PGAP1: variants seen among roughly 807,000 people sequenced by gnomAD.
The protein encoded by PGAP1 is post-GPI attachment to proteins inositol deacylase 1, also known as GPI inositol-deacylase.
Under a neutral mutation model 127.0 loss-of-function variants are expected in PGAP1, and 76 were observed. The ratio of observed to expected loss-of-function variants is 0.60; its 90% CI spans 0.50 to 0.72. The LOEUF is 0.72. PGAP1 is among the 30% of genes least tolerant of loss of function. The pLI is 0.00. For missense variants in PGAP1, 982 were observed against 1,071.3 expected (o/e 0.92, Z 1.16); for synonymous variants, 362 against 366.5 (o/e 0.99, Z 0.14).
Position 196,916,464 on chromosome 2 carries a change from G to C in PGAP1, c.431C>G (p.Thr144Ser), listed in dbSNP as rs1352606030. The C allele has an allele frequency of 6.2e-7, 1 of 1,613,070 alleles. No homozygotes were observed. The highest frequency in any genetic ancestry group is 2.2e-5 in the East Asian group (1 of 44,834). The change falls in exon 3 of 27, where the codon ACC becomes AGC. Residue 144 changes from threonine (T) to serine (S), a missense_variant. Physicochemically the swap from Thr to Ser is moderately conservative, Grantham distance 58 (BLOSUM62 1). Coordinates refer to ENST00000354764, the MANE Select transcript of PGAP1 (RefSeq NM_024989.4). ...TTTAATACATTCATGTACAAACTTG[G>C]TCTGCTTCTGAAGACTTCCACCATA... is the stretch of plus-strand genomic sequence containing the variant. The part of the protein sequence containing the change: ...ALYGGSLQKQ[T>S]KFVHECIKTI...
chr2:196,863,295 C>G (rs1701126719), intron 20 of PGAP1, among the ~76,000 whole-genome samples: 1 of 152,136 alleles, frequency 6.6e-6, no homozygotes, highest in African/African-American at 2.4e-5. Context: ...ACTCACTATT[C>G]ACAATGGCCA....
At chr2:196,919,830 T>C (rs1703128657) in intron 2 of PGAP1, among the ~76,000 whole-genome samples, 167 bp downstream of exon 2, 5 of 152,152 alleles carry the variant, frequency 3.3e-5, no homozygotes, top group Admixed American at 3.3e-4. Context: ...CTCACATTAT[T>C]CTCTCTCAGA....
intron 20 of PGAP1, among the ~76,000 whole-genome samples, chr2:196,858,718 C>T (rs1700970672): frequency 2.0e-5 from 3 of 151,796 alleles, no homozygotes; most frequent in Non-Finnish European, 4.4e-5. Flanking sequence ...GAAAAAAATA[C>T]ATCAGCTATG....
chr2:196,895,390 G>T (rs1340922254), intron 7 of PGAP1, among the ~76,000 whole-genome samples: 1 of 152,174 alleles, frequency 6.6e-6, no homozygotes, highest in Non-Finnish European at 1.5e-5. Flanking sequence ...CCAAACGTCA[G>T]TTGAAGTAAA....
intron 20 of PGAP1, among the ~76,000 whole-genome samples, chr2:196,855,037 T>C (rs1253525131): frequency 6.6e-6 from 1 of 151,342 alleles, no homozygotes; most frequent in East Asian, 1.9e-4. Context: ...GTCATCTTCA[T>C]ATCAGCAGGG....
At position 196,846,989 on chromosome 2, in the gene PGAP1, C is replaced by A. The variant is rs1327561526; in HGVS notation, c.2150+14G>T. ...TTAAAGCAATAAGAAAGCTGTTAAT[C>A]ATTCATTCTTTACCTTTTCAAAGCT... On this transcript the variant is annotated intron_variant, in intron 22 of 26. Coordinates refer to ENST00000354764, the MANE Select transcript of PGAP1 (RefSeq NM_024989.4). 1.9e-6 allele frequency: 3 copies of A among 1,593,722 alleles called. No homozygotes were observed. The highest frequency in any genetic ancestry group is 1.7e-5 in the Admixed American group (1 of 58,054).
At chr2:196,923,469 T>C (rs1404469407) in intron 1 of PGAP1, among the ~76,000 whole-genome samples, 1 of 152,144 alleles carries the variant, frequency 6.6e-6, no homozygotes, top group East Asian at 1.9e-4. Flanking sequence ...ATATTGTAAC[T>C]ATACATTACA....
chr2:196,904,222 G>A (rs1702603986), intron 4 of PGAP1, among the ~76,000 whole-genome samples: 1 of 152,204 alleles, frequency 6.6e-6, no homozygotes, highest in Non-Finnish European at 1.5e-5. Context: ...AGCATGGGAA[G>A]AGCAGATCTT....
chr2:196,846,020 G>A lies in PGAP1; in HGVS notation c.2151-3C>T. On this transcript the variant is annotated splice_polypyrimidine_tract_variant and splice_region_variant and intron_variant, in intron 22 of 26. Transcript: ENST00000354764. ...TATCTTTAGGAAGTTCAGAGGGTCT[G>A]GAATTATAAGAATAAAGTTTAAAAT... 1 of 1,543,956 alleles carries A rather than the reference G, an allele frequency of 6.5e-7. No homozygotes were observed. Among genetic ancestry groups the A allele is most frequent in the Non-Finnish European group, 8.8e-7 (1 of 1,135,450 alleles).
chr2:196,844,160 A>G, intron 24 of PGAP1, 85 bp from the exon 25 acceptor site: 1 of 752,428 alleles, frequency 1.3e-6, no homozygotes, highest in South Asian at 4.3e-5. Flanking sequence ...CTTATCAACT[A>G]AATAAGTACA....
intron 1 of PGAP1, among the ~76,000 whole-genome samples, chr2:196,926,009 G>C (rs1703347542): frequency 6.6e-6 from 1 of 152,062 alleles, no homozygotes; most frequent in Admixed American, 6.6e-5. Context: ...GCAGATCACC[G>C]GGCGCGAGGG....
chr2:196,903,702 C>T (rs76897866), intron 4 of PGAP1, among the ~76,000 whole-genome samples: 175 of 152,228 alleles, frequency 1.1e-3, no homozygotes, highest in African/African-American at 4.0e-3. Flanking sequence ...TATGCTGCTG[C>T]TGTGGAAAAC....
chr2:196,844,689 A>T (rs1427546085), intron 23 of PGAP1, 115 bp from the exon 24 acceptor site: 3 of 670,786 alleles, frequency 4.5e-6, no homozygotes, highest in Non-Finnish European at 7.3e-6. Context: ...ATGTAAACCA[A>T]AAAGTCATTT....
At chr2:196,872,409 A>T in intron 18 of PGAP1, 32 bp downstream of exon 18, 1 of 1,450,230 alleles carries the variant, frequency 6.9e-7, no homozygotes. Flanking sequence ...TCTACAACTA[A>T]ATCTTAAAAA....
intron 12 of PGAP1, among the ~76,000 whole-genome samples, chr2:196,885,067 T>C (rs1048435059): frequency 6.6e-6 from 1 of 152,168 alleles, no homozygotes; most frequent in Admixed American, 6.6e-5. Flanking sequence ...CCTCCCAAAA[T>C]GAGTTCTAAG....
At position 196,873,592 on chromosome 2, in the gene PGAP1, G is replaced by T; in HGVS notation, c.1501-13C>A. The T allele has an allele frequency of 6.2e-7, 1 of 1,609,202 alleles. No homozygotes were observed. The highest frequency in any genetic ancestry group is 1.1e-5 in the South Asian group (1 of 90,734). On this transcript the variant is annotated splice_polypyrimidine_tract_variant and intron_variant, in intron 15 of 26. Transcript: ENST00000354764. ...AAGCTTGGTATATCTAATAGAGTTT[G>T]ACCACAAAAACAAAATATAAAGGTT...
Position 196,872,951 on chromosome 2 carries a change from A to C in PGAP1, c.1619+9T>G. 1 of 921,912 alleles carries C rather than the reference A, an allele frequency of 1.1e-6. No individual in the cohort carries two copies. The highest frequency in any genetic ancestry group is 1.5e-5 in the South Asian group (1 of 65,504). The allele number at this position is 921,912 out of a possible 1,614,324, so 57.1% of individuals were successfully genotyped here. On this transcript the variant is annotated intron_variant, in intron 17 of 26. Transcript: ENST00000354764. ...CCAAAGTTTAAAGTAAATTCTTTCA[A>C]ATACTTACTGTGCAATGGTTAGTGA...
At chr2:196,866,591 C>T (rs970976623) in intron 19 of PGAP1, among the ~76,000 whole-genome samples, 4 of 152,166 alleles carry the variant, frequency 2.6e-5, no homozygotes, top group African/African-American at 9.7e-5. Context: ...ACACCAAAAG[C>T]AGTGGCAACA....
rs958469429 is a variant in PGAP1 at position 196,840,583 on chromosome 2, T to C, written c.*651A>G. ...CATATTTGAAAAATAGCAAGAAAAA[T>C]TGTGTAAGTTTGAATCATGTTTCCA... is the stretch of plus-strand genomic sequence containing the variant. On this transcript the variant is annotated 3_prime_UTR_variant, in exon 27 of 27. Transcript: ENST00000354764. 19 of 151,566 alleles carry C rather than the reference T, an allele frequency of 1.3e-4. No homozygotes were observed. The highest frequency in any genetic ancestry group is 4.6e-4 in the African/African-American group (19 of 41,216). 9.4% of individuals were successfully genotyped at this position (151,566 alleles called of 1,614,324 possible). A position where few individuals can be genotyped will look rare whatever the true frequency, so the allele number is the denominator to read the frequency against.
Sources: gnomAD v4.1 joint callset for allele counts (sites outside exome capture counted in the v4.1 genomes callset) on GRCh38, gnomAD v4.1.1 for gene constraint, MANE v1.5 for transcripts, NCBI Gene and HGNC (gene_info 2026-07-23, HGNC 2026-07-21) for gene names.